The following LINGO2 variants were observed in gnomAD, a reference collection of about 807,000 sequenced individuals.
LINGO2 encodes leucine rich repeat and Ig domain containing 2.
In LINGO2, 14 loss-of-function variants were observed where a neutral mutation model predicts 30.6. That is an observed-to-expected ratio of 0.46 (90% confidence interval 0.30 to 0.72). The LOEUF (loss-of-function observed/expected upper bound fraction) is 0.72. LINGO2 is among the 30% of genes least tolerant of loss of function. The pLI is 0.07. For synonymous variants in LINGO2, 317 were observed against 288.5 expected (o/e 1.10, Z -1.00); for missense variants, 729 against 751.7 (o/e 0.97, Z 0.35).
chr9:28,405,281 G>A (rs983607660), intron 2 of LINGO2, among the ~76,000 whole-genome samples: 17 of 151,700 alleles, frequency 1.1e-4, no homozygotes, highest in African/African-American at 3.9e-4. Flanking sequence ...ATTATTATTC[G>A]ACATTGTTAT....
At chr9:28,481,084 TGGGC>T (rs2135220893) in intron 1 of LINGO2, among the ~76,000 whole-genome samples, 1 of 90,312 alleles carries the variant, frequency 1.1e-5, no homozygotes, top group East Asian at 3.4e-4. Flanking sequence ...GGTTGGAGAA[TGGGC>T]ATGGAGCCCC....
At chr9:28,392,802 C>CA (rs1821892128) in intron 2 of LINGO2, among the ~76,000 whole-genome samples, 1 of 152,192 alleles carries the variant, frequency 6.6e-6, no homozygotes, top group Admixed American at 6.5e-5. Flanking sequence ...TAACAAAAGA[C>CA]ACCTGATCAC....
intron 2 of LINGO2, among the ~76,000 whole-genome samples, chr9:28,446,513 C>A (rs1824430235): frequency 6.6e-6 from 1 of 152,172 alleles, no homozygotes; most frequent in African/African-American, 2.4e-5. Flanking sequence ...AAAGCCTTGG[C>A]TTTTTCTTTT....
chr9:28,126,008 TAAC>T (rs1827225588), intron 4 of LINGO2, among the ~76,000 whole-genome samples: 1 of 152,286 alleles, frequency 6.6e-6, no homozygotes, highest in East Asian at 1.9e-4. Flanking sequence ...AAATTAATCT[TAAC>T]AAGGCTGATT....
chr9:28,617,932 C>T (rs1390229070), intron 1 of LINGO2, among the ~76,000 whole-genome samples: 1 of 152,000 alleles, frequency 6.6e-6, no homozygotes, highest in African/African-American at 2.4e-5. Context: ...TAAATATACT[C>T]ATTTATGAAG....
chr9:28,211,928 AT>A (rs551802805), intron 4 of LINGO2, among the ~76,000 whole-genome samples: 55 of 145,678 alleles, frequency 3.8e-4, no homozygotes, highest in South Asian at 3.0e-3. Context: ...CTCATGCTTA[AT>A]TTTTTTTTTT....
chr9:28,671,584 T>G (rs1829014752), upstream of LINGO2, among the ~76,000 whole-genome samples: 1 of 146,282 alleles, frequency 6.8e-6, no homozygotes, highest in Non-Finnish European at 1.5e-5. Flanking sequence ...AAGTGGAAGC[T>G]AAACAATGAG....
intron 1 of LINGO2, among the ~76,000 whole-genome samples, chr9:28,629,806 T>C (rs1001834660): frequency 2.6e-5 from 4 of 152,178 alleles, no homozygotes; most frequent in African/African-American, 7.2e-5. Flanking sequence ...CATGAAAACC[T>C]TCCTGGGGAA....
chr9:28,123,741 G>A (rs1827163519), intron 4 of LINGO2, among the ~76,000 whole-genome samples: 1 of 151,550 alleles, frequency 6.6e-6, no homozygotes, highest in African/African-American at 2.4e-5. Flanking sequence ...TCGGCTCACT[G>A]CAAGCTCTGC....
At chr9:28,083,794 A>AT (rs1304484458) in intron 4 of LINGO2, among the ~76,000 whole-genome samples, 2 of 152,040 alleles carry the variant, frequency 1.3e-5, no homozygotes, top group Non-Finnish European at 1.5e-5. Context: ...CAATAGTATT[A>AT]TTTTTTTCTT....
At chr9:28,105,881 G>T (rs1826575799) in intron 4 of LINGO2, among the ~76,000 whole-genome samples, 1 of 152,052 alleles carries the variant, frequency 6.6e-6, no homozygotes, top group South Asian at 2.1e-4. Flanking sequence ...CTATGGAACT[G>T]TGAGAAAATA....
At chr9:29,205,984 G>A in the LINGO2 span, among the ~76,000 whole-genome samples, 2 of 152,112 alleles carry the variant, frequency 1.3e-5, no homozygotes, top group African/African-American at 4.8e-5. Flanking sequence ...ATCACATGGT[G>A]TTTTTTGTTA....
upstream of LINGO2, among the ~76,000 whole-genome samples, chr9:28,673,773 C>T (rs745504743): frequency 3.3e-5 from 5 of 151,944 alleles, no homozygotes; most frequent in Non-Finnish European, 5.9e-5. Flanking sequence ...AGATGTAGCT[C>T]AACTGAGCTG....
intron 4 of LINGO2, among the ~76,000 whole-genome samples, chr9:28,229,489 G>A (rs899748053): frequency 6.6e-6 from 1 of 151,600 alleles, no homozygotes; most frequent in Non-Finnish European, 1.5e-5. Context: ...GAGGAGGAAG[G>A]AAAGGTAAAG....
chr9:29,023,836 C>T, the LINGO2 span, among the ~76,000 whole-genome samples: 7 of 152,024 alleles, frequency 4.6e-5, no homozygotes, highest in South Asian at 2.1e-4. Context: ...AAAATTATAT[C>T]GGAAGCTATA....
chr9:28,723,562 A>C, the LINGO2 span, among the ~76,000 whole-genome samples: 1 of 152,082 alleles, frequency 6.6e-6, no homozygotes, highest in African/African-American at 2.4e-5. Context: ...CAAAAGAGTG[A>C]CAGAAGCTGG....
the LINGO2 span, among the ~76,000 whole-genome samples, chr9:28,876,878 G>T: frequency 6.6e-6 from 1 of 152,062 alleles, no homozygotes; most frequent in Non-Finnish European, 1.5e-5. Context: ...CAGTGTAAAA[G>T]TGTTCCTATT....
chr9:28,712,234 G>T, the LINGO2 span, among the ~76,000 whole-genome samples: 6 of 152,086 alleles, frequency 3.9e-5, no homozygotes, highest in African/African-American at 1.4e-4. Context: ...TATTAAGTGA[G>T]AAATAAACGT....
chr9:28,311,253 C>T (rs923343046), intron 3 of LINGO2, among the ~76,000 whole-genome samples: 1 of 152,032 alleles, frequency 6.6e-6, no homozygotes, highest in Non-Finnish European at 1.5e-5. Flanking sequence ...TATCACAAGG[C>T]AAATGGAGGC....
Sources: allele counts gnomAD v4.1 joint callset (sites outside exome capture counted in the v4.1 genomes callset), GRCh38; gene constraint gnomAD v4.1.1; transcripts MANE v1.5; gene names NCBI Gene and HGNC (gene_info 2026-07-23, HGNC 2026-07-21).